Variants in DIPK1B observed in about 807,000 individuals in gnomAD.
DIPK1B encodes family with sequence similarity 69 member B.
A neutral mutation model predicts 20.7 loss-of-function variants in DIPK1B; 17 were observed. That is an observed-to-expected ratio of 0.82 (90% CI 0.56 to 1.23). The LOEUF is 1.23. Ranked by LOEUF, DIPK1B falls within the 50% of genes most tolerant of loss-of-function variation. DIPK1B has a pLI of 0.00. For missense variants in DIPK1B, 648 were observed against 601.8 expected, an observed-to-expected ratio of 1.08 and a Z score of -0.80; for synonymous variants, 343 against 276.5, an observed-to-expected ratio of 1.24 and a Z score of -2.39.
At chr9:136,722,796 C>T (rs1190900883) in intron 4 of DIPK1B, 166 bp from the exon 5 acceptor site, 5 of 690,430 alleles carry the variant, frequency 7.2e-6, no homozygotes, top group Middle Eastern at 4.0e-4. Context: ...TGACACATTG[C>T]TGGCTGCGTC....
rs1477453720 is a variant in DIPK1B at position 136,723,116 on chromosome 9, A to G, written c.638A>G (p.Gln213Arg). ...RNEFLLLLSL[Q>R]EKEHASRLLG... ...GAGTTCCTGCTGCTGCTGTCCCTGC[A>G]GGAGAAGGAGCACGCCTCCAGACTG... Residue 213 changes from glutamine to arginine, a missense_variant, in exon 5 of 5, where the codon CAG becomes CGG. By Grantham distance (43) the Gln-to-Arg change is conservative. Transcript: ENST00000371692. The G allele has an allele frequency of 6.2e-7, 1 of 1,613,332 alleles. No individual in the cohort carries two copies. The highest frequency in any genetic ancestry group is 1.7e-5 in the Admixed American group (1 of 60,034).
chr9:136,713,701 T>C (rs754884592), intron 1 of DIPK1B, among the ~76,000 whole-genome samples: 35 of 152,212 alleles, frequency 2.3e-4, no homozygotes, highest in Non-Finnish European at 4.6e-4. Flanking sequence ...GACCAGCAGC[T>C]GCAGAAGAGA....
intron 2 of DIPK1B, among the ~76,000 whole-genome samples, chr9:136,719,885 A>AG (rs1373344971): frequency 6.8e-6 from 1 of 146,716 alleles, no homozygotes; most frequent in African/African-American, 2.6e-5. Flanking sequence ...CTCCGGGCGC[A>AG]GGGGCTGTGT....
chr9:136,718,916 G>T (rs1846545739), intron 2 of DIPK1B, among the ~76,000 whole-genome samples: 1 of 152,172 alleles, frequency 6.6e-6, no homozygotes, highest in Non-Finnish European at 1.5e-5. Flanking sequence ...TCTGTGCCCA[G>T]GACTTGTTTG....
intron 2 of DIPK1B, among the ~76,000 whole-genome samples, chr9:136,720,094 G>A (rs1846572703): frequency 1.3e-5 from 2 of 151,914 alleles, no homozygotes; most frequent in South Asian, 4.2e-4. Flanking sequence ...TGCAGGGGCT[G>A]TGTGGTCTGG....
At chr9:136,721,648 C>A (rs1564309911) in intron 2 of DIPK1B, 8 of 457,794 alleles carry the variant, frequency 1.7e-5, no homozygotes, top group Middle Eastern at 6.1e-4. Flanking sequence ...CATGTCCAGG[C>A]AGTGGCCTTT....
Position 136,723,619 on chromosome 9 carries a change from G to A in DIPK1B, c.1141G>A (p.Ala381Thr), listed in dbSNP as rs763248932. 9 of 1,579,786 alleles carry A rather than the reference G, an allele frequency of 5.7e-6. No individual in the cohort carries two copies. The highest frequency in any genetic ancestry group is 1.3e-5 in the African/African-American group (1 of 74,300). ...ALLRGYLLPG[A>T]PADLREELGT... ...GCTACGGGGCTACCTGCTGCCTGGCGCGCCCGCCGACCTCCGCGAGGAGCT... is the reference window on the plus strand; with the variant it reads ...GCTACGGGGCTACCTGCTGCCTGGCACGCCCGCCGACCTCCGCGAGGAGCT... Residue 381 changes from alanine to threonine, a missense_variant, in exon 5 of 5, where the codon GCG becomes ACG. Physicochemically the swap from Ala to Thr is moderately conservative, Grantham distance 58. Coordinates refer to ENST00000371692, the MANE Select transcript of DIPK1B (RefSeq NM_152421.4).
intron 2 of DIPK1B, among the ~76,000 whole-genome samples, chr9:136,720,329 C>T (rs1268962140): frequency 6.6e-6 from 1 of 152,194 alleles, no homozygotes; most frequent in Non-Finnish European, 1.5e-5. Flanking sequence ...CTTCTGTCCC[C>T]ATCCTTGGTG....
chr9:136,723,412 A>T lies in DIPK1B; in HGVS notation c.934A>T (p.Lys312Ter). ...NVGYTATYDF[K>*]MADLQQVAPE... Reference sequence around the variant, plus strand: ...GGGCTACACAGCCACCTACGACTTCAAGATGGCCGACCTGCAGCAGGTGGC... The same window carrying T: ...GGGCTACACAGCCACCTACGACTTCTAGATGGCCGACCTGCAGCAGGTGGC... The change falls in exon 5 of 5, where the codon AAG becomes TAG. Residue 312 changes from lysine to a stop codon, truncating the protein, a stop_gained. Coordinates refer to ENST00000371692, the MANE Select transcript of DIPK1B (RefSeq NM_152421.4). LOFTEE classifies it low-confidence loss of function (END_TRUNC). The T allele has an allele frequency of 6.2e-7, 1 of 1,612,686 alleles. No individual in the cohort carries two copies. The highest frequency in any genetic ancestry group is 8.5e-7 in the Non-Finnish European group (1 of 1,179,566).
In DIPK1B at chr9:136,721,971, G is replaced by C. The variant is rs777532833; in HGVS notation, c.249G>C (p.Leu83=). The C allele has an allele frequency of 9.3e-6, 15 of 1,613,638 alleles. No homozygotes were observed. The Middle Eastern group carries it at 8.3e-4, about 89-fold the overall frequency. The change falls in exon 3 of 5, where the codon CTG becomes CTC. Residue 83 remains leucine (L), a synonymous_variant. Transcript: ENST00000371692. ...GIISGSVCQD[L]CELHMVEWRT... ...TCTCGGGCTCCGTCTGCCAGGACCT[G>C]TGTGAGCTGCATATGGTGGAGTGGA...
At chr9:136,716,627 C>G (rs1846500382) in intron 1 of DIPK1B, among the ~76,000 whole-genome samples, 1 of 151,992 alleles carries the variant, frequency 6.6e-6, no homozygotes, top group Admixed American at 6.5e-5. Flanking sequence ...TCTCAAACTC[C>G]TGGGCTCAAG....
chr9:136,713,637 C>T (rs548094786), intron 1 of DIPK1B, among the ~76,000 whole-genome samples: 1 of 152,154 alleles, frequency 6.6e-6, no homozygotes, highest in Non-Finnish European at 1.5e-5. Flanking sequence ...GAGGACCACC[C>T]CAGTCGCTGG....
In DIPK1B at chr9:136,723,527, G is replaced by T. The variant is rs1846653171; in HGVS notation, c.1049G>T (p.Cys350Phe). Residue 350 changes from cysteine (C) to phenylalanine (F), a missense_variant, in exon 5 of 5, where the codon TGT (cysteine) becomes TTT (phenylalanine). Coordinates refer to ENST00000371692, the MANE Select transcript of DIPK1B (RefSeq NM_152421.4). ...CTYGRDCRAPCDRLMRQCKGD... is the reference protein window; with the variant it reads ...CTYGRDCRAPFDRLMRQCKGD... ...TACGGGCGCGACTGCAGGGCCCCGT[G>T]TGACAGGCTCATGAGGCAGTGCAAG... The T allele has an allele frequency of 1.9e-6, 3 of 1,600,734 alleles. No homozygotes were observed. Among genetic ancestry groups the T allele is most frequent in the Non-Finnish European group, 2.6e-6 (3 of 1,174,046 alleles).
intron 1 of DIPK1B, among the ~76,000 whole-genome samples, chr9:136,716,019 C>T (rs781683099): frequency 6.6e-6 from 1 of 152,052 alleles, no homozygotes. Context: ...ATGGTTTTGG[C>T]GACTCTGGGG....
chr9:136,714,484 G>C (rs1265855391), intron 1 of DIPK1B, among the ~76,000 whole-genome samples: 1 of 152,150 alleles, frequency 6.6e-6, no homozygotes, highest in Non-Finnish European at 1.5e-5. Flanking sequence ...CTAGGCCCGA[G>C]GCCAGCTGCA....
chr9:136,721,851 C>A, intron 2 of DIPK1B, 70 bp from the exon 3 acceptor site: 2 of 1,435,134 alleles, frequency 1.4e-6, no homozygotes, highest in Non-Finnish European at 1.9e-6. Context: ...AGCTTCGGGC[C>A]TGTGGGCAGG....
At chr9:136,718,781 A>C (rs889240691) in intron 2 of DIPK1B, among the ~76,000 whole-genome samples, 4 of 152,170 alleles carry the variant, frequency 2.6e-5, no homozygotes, top group African/African-American at 9.7e-5. Flanking sequence ...GTGGTGGATG[A>C]AGCTAGCCGG....
Position 136,712,713 on chromosome 9 carries a change from C to T in DIPK1B, c.48C>T (p.Phe16=), listed in dbSNP as rs1258808467. The T allele has an allele frequency of 7.3e-7, 1 of 1,365,380 alleles. No homozygotes were observed. Among genetic ancestry groups the T allele is most frequent in the Non-Finnish European group, 9.4e-7 (1 of 1,061,104 alleles). The allele number at this position is 1,365,380 out of a possible 1,614,324, so 84.6% of individuals were successfully genotyped here. The change falls in exon 1 of 5, where the codon TTC becomes TTT. Residue 16 remains phenylalanine (F), a synonymous_variant. Transcript: ENST00000371692. The surrounding 1 kb of genome is among the most constrained non-coding windows in gnomAD (Gnocchi z 5.6). ...CGCACCTGGTGCTCTTCTGCCCCTT[C>T]TCCAAGCGCCTGCAGGTAAGCGCGG... The part of the protein sequence containing the change: ...RLAHLVLFCP[F]SKRLQGRLPG...
rs549086212 is a variant in DIPK1B at position 136,722,957 on chromosome 9, G to A, written c.484-5G>A. 1.6e-5 allele frequency: 25 copies of A among 1,598,540 alleles called. No individual in the cohort carries two copies. The highest frequency in any genetic ancestry group is 4.0e-5 in the African/African-American group (3 of 74,686). ...CTTTTCCTTTCTTTTGGTCCCAAAC[G>A]CCAGGCGAACCTGGGAGACCTGCCT... On this transcript the variant is annotated splice_polypyrimidine_tract_variant and splice_region_variant and intron_variant, in intron 4 of 4. Transcript: ENST00000371692.
Sources: gnomAD v4.1 joint callset for allele counts (sites outside exome capture counted in the v4.1 genomes callset) on GRCh38, gnomAD v4.1.1 for gene constraint, Gnocchi (gnomAD v3.1) non-coding constraint, MANE v1.5 for transcripts, NCBI Gene and HGNC (gene_info 2026-07-23, HGNC 2026-07-21) for gene names.